The following MICA variants were observed in gnomAD, a reference collection of about 807,000 sequenced individuals.
MICA encodes HLA class I antigen.
In MICA, 18 loss-of-function variants were observed where a neutral mutation model predicts 34.3. The ratio of observed to expected loss-of-function variants is 0.52; its 90% CI spans 0.36 to 0.78. The LOEUF is 0.78. Among genes scored for constraint, MICA ranks in the 30% least tolerant of loss-of-function variants. The pLI is 0.00. For synonymous variants in MICA, 135 were observed against 156.9 expected, an observed-to-expected ratio of 0.86 and a Z score of 1.04; for missense variants, 333 against 409.4, an observed-to-expected ratio of 0.81 and a Z score of 1.61.
chr6:31,415,190 C>A lies in MICA; in HGVS notation c.*208C>A, dbSNP rs1771454088. 1.3e-6 allele frequency: 1 copy of A among 765,464 alleles called. No homozygotes were observed. The allele number at this position is 765,464 out of a possible 1,614,324, so 47.4% of individuals were successfully genotyped here. The stretch of plus-strand genomic sequence containing the variant: ...GAATTCCCTGCCTGGATCTCACAAG[C>A]ACTTTCCCTCTTGGTGCCTCAGTTT... On this transcript the variant is annotated 3_prime_UTR_variant, in exon 6 of 6. Coordinates refer to ENST00000449934, the MANE Select transcript of MICA (RefSeq NM_001177519.3).
chr6:31,404,562 C>T (rs1770641897), intron 1 of MICA, among the ~76,000 whole-genome samples: 1 of 151,852 alleles, frequency 6.6e-6, no homozygotes, highest in Non-Finnish European at 1.5e-5. Context: ...TCCTGCACCC[C>T]TTATGGGCCT....
At chr6:31,412,522 C>T (rs1771256799) in intron 5 of MICA, 62 bp downstream of exon 5, 4 of 1,036,774 alleles carry the variant, frequency 3.9e-6, no homozygotes, top group Admixed American at 5.0e-5. Context: ...AGGGTCCCCT[C>T]ATTGCTCCTG....
intron 1 of MICA, among the ~76,000 whole-genome samples, chr6:31,404,508 G>A (rs1466407203): frequency 1.3e-5 from 2 of 151,466 alleles, no homozygotes; most frequent in East Asian, 1.9e-4. Flanking sequence ...CCATTTCTAG[G>A]GTGTCCTCTG....
At chr6:31,401,602 A>G (rs770394111), upstream of MICA, among the ~76,000 whole-genome samples, 2 of 151,144 alleles carry the variant, frequency 1.3e-5, no homozygotes, top group Non-Finnish European at 2.9e-5. Flanking sequence ...TCAAGGCTGC[A>G]GTGAGCTATA....
In MICA at chr6:31,414,288, C is replaced by T. The variant is rs186572951; in HGVS notation, c.*30-724C>T. Among the ~76,000 whole-genome samples, 32 of 152,114 alleles carry T rather than the reference C, an allele frequency of 2.1e-4. 1 individual carries two copies. The East Asian group carries it at 5.2e-3, about 25-fold the overall frequency. ...TGCTAGGGACAGAGCAGGAAGGCCT[C>T]GCAGCCTCACCAAGCAGCAGCCCTG... On this transcript the variant is annotated intron_variant, in intron 5 of 5. Transcript: ENST00000449934.
chr6:31,412,077 C>G lies in MICA; in HGVS notation c.744C>G (p.His248Gln). The change falls in exon 4 of 6, where the codon CAC (histidine) becomes CAG (glutamine). Residue 248 changes from histidine to glutamine, a missense_variant. By Grantham distance (24) the His-to-Gln change is conservative. Coordinates refer to ENST00000449934, the MANE Select transcript of MICA (RefSeq NM_001177519.3). ...GTCAGGATGGGGTATCTTTGAGCCA[C>G]GACACCCAGCAGTGGGGGGATGTCC... ...TWRQDGVSLSHDTQQWGDVLP... is the reference protein window; with the variant it reads ...TWRQDGVSLSQDTQQWGDVLP... The G allele has an allele frequency of 6.2e-7, 1 of 1,613,158 alleles. No homozygotes were observed. The highest frequency in any genetic ancestry group is 8.5e-7 in the Non-Finnish European group (1 of 1,179,916).
At position 31,405,127 on chromosome 6, in the gene MICA, G is replaced by A. The variant is rs189405064; in HGVS notation, c.70+1425G>A. Among the ~76,000 whole-genome samples, 406 of 128,476 alleles carry A rather than the reference G, an allele frequency of 3.2e-3. 8 individuals carry two copies. In the East Asian group the frequency reaches 0.059, roughly 19 times the overall value. 84.3% of individuals were successfully genotyped at this position (128,476 alleles called of 152,430 possible). A position where few individuals can be genotyped will look rare whatever the true frequency, so the allele number is the denominator to read the frequency against. On this transcript the variant is annotated intron_variant, in intron 1 of 5. Transcript: ENST00000449934. ...GTCACTCCTGCCCCATGCTCATGCC[G>A]CCCTCCAGTTCTTGCTCTGCCCATC... is the stretch of plus-strand genomic sequence containing the variant.
At chr6:31,412,501 G>A (rs141211674) in intron 5 of MICA, 41 bp downstream of exon 5, 1 of 1,292,436 alleles carries the variant, frequency 7.7e-7, no homozygotes. Context: ...TAAGGCCCCT[G>A]TCTGGGCAGT....
Position 31,415,072 on chromosome 6 carries a change from C to A in MICA, c.*90C>A. 1 of 1,357,652 alleles carries A rather than the reference C, an allele frequency of 7.4e-7. No individual in the cohort carries two copies. Among genetic ancestry groups the A allele is most frequent in the Non-Finnish European group, 1.0e-6 (1 of 958,452 alleles). 84.1% of individuals were successfully genotyped at this position (1,357,652 alleles called of 1,614,324 possible). A position where few individuals can be genotyped will look rare whatever the true frequency, so the allele number is the denominator to read the frequency against. On this transcript the variant is annotated 3_prime_UTR_variant, in exon 6 of 6. Transcript: ENST00000449934. ...GTTGGGACGAGTGACCACAGGGATGCCACACAGCTCGGATTTCAGCCTCTG... is the reference window on the plus strand; with the variant it reads ...GTTGGGACGAGTGACCACAGGGATGACACACAGCTCGGATTTCAGCCTCTG...
chr6:31,411,434 G>A lies in MICA; in HGVS notation c.613+75G>A. The A allele has an allele frequency of 1.4e-6, 2 of 1,405,624 alleles. No homozygotes were observed. Among genetic ancestry groups the A allele is most frequent in the East Asian group, 2.5e-5 (1 of 39,904 alleles). 87.1% of individuals were successfully genotyped at this position (1,405,624 alleles called of 1,614,324 possible). A position where few individuals can be genotyped will look rare whatever the true frequency, so the allele number is the denominator to read the frequency against. On this transcript the variant is annotated intron_variant, in intron 3 of 5. Coordinates refer to ENST00000449934, the MANE Select transcript of MICA (RefSeq NM_001177519.3). This position sits in a 1 kb window ranked among gnomAD's most constrained non-coding sequence, Gnocchi z 4.3. ...TGCCTCACCTCCCAGATGTGTCCAG[G>A]GAAACCCTCCCTGTGCTATGGATGA... is the stretch of plus-strand genomic sequence containing the variant.
intron 1 of MICA, among the ~76,000 whole-genome samples, chr6:31,407,673 G>A (rs1246267651): frequency 6.6e-6 from 1 of 151,880 alleles, no homozygotes. Context: ...TTTGCTGTTA[G>A]CACTGATTTT....
In MICA at chr6:31,411,596, C is replaced by G. The variant is rs1404628101; in HGVS notation, c.613+237C>G. Among the ~76,000 whole-genome samples, 2 of 151,866 alleles carry G rather than the reference C, an allele frequency of 1.3e-5. No individual in the cohort carries two copies. The highest frequency in any genetic ancestry group is 2.9e-5 in the Non-Finnish European group (2 of 68,026). The stretch of plus-strand genomic sequence containing the variant: ...GAGGACCCTCCGACAGAATCCTGAG[C>G]CTGTGGTGGGTGTCAGGCAGGAGAG... On this transcript the variant is annotated intron_variant, in intron 3 of 5. Transcript: ENST00000449934. The surrounding 1 kb of genome is among the most constrained non-coding windows in gnomAD (Gnocchi z 4.3).
At position 31,411,540 on chromosome 6, in the gene MICA, G is replaced by A. The variant is rs1771156461; in HGVS notation, c.613+181G>A. 6.6e-6 allele frequency among the ~76,000 whole-genome samples: 1 copy of A among 151,824 alleles called. No individual in the cohort carries two copies. The highest frequency in any genetic ancestry group is 1.5e-5 in the Non-Finnish European group (1 of 68,006). ...GGATAAAGACAGAGGGTCAGGGACT[G>A]GACCATCCAGTGTTGTAATCAGGGC... is the stretch of plus-strand genomic sequence containing the variant. On this transcript the variant is annotated intron_variant, in intron 3 of 5. Coordinates refer to ENST00000449934, the MANE Select transcript of MICA (RefSeq NM_001177519.3). This position sits in a 1 kb window ranked among gnomAD's most constrained non-coding sequence, Gnocchi z 4.3.
Position 31,412,379 on chromosome 6 carries a change from C to CTGT in MICA, c.949_950insTTG (p.Ala316_Ala317insVal). 6 of 1,509,978 alleles carry CTGT rather than the reference C, an allele frequency of 4.0e-6. No individual in the cohort carries two copies. Among genetic ancestry groups the CTGT allele is most frequent in the South Asian group, 1.2e-5 (1 of 83,842 alleles). 93.5% of individuals were successfully genotyped at this position (1,509,978 alleles called of 1,614,324 possible). ...CAGACATTCCATGTTTCTGCTGTTG[C>CTGT]TGCTGGCTGCTGCTATTTTTGTTAT... On this transcript the variant is annotated inframe_insertion, in exon 5 of 6. Transcript: ENST00000449934.
In MICA at chr6:31,415,204, G is replaced by A. The variant is rs1771455099; in HGVS notation, c.*222G>A. On this transcript the variant is annotated 3_prime_UTR_variant, in exon 6 of 6. Transcript: ENST00000449934. ...GATCTCACAAGCACTTTCCCTCTTG[G>A]TGCCTCAGTTTCCTGACCTATGAAA... 2.8e-6 allele frequency: 2 copies of A among 726,190 alleles called. No homozygotes were observed. Among genetic ancestry groups the A allele is most frequent in the Non-Finnish European group, 4.9e-6 (2 of 406,216 alleles). 45.0% of individuals were successfully genotyped at this position (726,190 alleles called of 1,614,324 possible).
chr6:31,411,384 C>A lies in MICA; in HGVS notation c.613+25C>A. ...GGTACCGACGCTGGCCAGGGGCTCT[C>A]CTCTCCCTCCAATTCTGCTAGAGTT... On this transcript the variant is annotated intron_variant, in intron 3 of 5. Transcript: ENST00000449934. This position sits in a 1 kb window ranked among gnomAD's most constrained non-coding sequence, Gnocchi z 4.3. The A allele has an allele frequency of 6.5e-7, 1 of 1,535,116 alleles. No individual in the cohort carries two copies.
In MICA at chr6:31,403,624, G is replaced by C. The variant is rs905045280; in HGVS notation, c.-9G>C. The C allele has an allele frequency of 4.6e-6, 7 of 1,505,624 alleles. No homozygotes were observed. In the South Asian group the frequency reaches 7.5e-5, roughly 16 times the overall value. 93.3% of individuals were successfully genotyped at this position (1,505,624 alleles called of 1,614,324 possible). ...CTTGAGCCGCTGAGAGGGTGGCGAC[G>C]TCGGGGCCATGGGGCTGGGCCCGGT... On this transcript the variant is annotated 5_prime_UTR_variant, in exon 1 of 6. Transcript: ENST00000449934. The surrounding 1 kb of genome is among the most constrained non-coding windows in gnomAD (Gnocchi z 4.7).
At chr6:31,412,600 A>G (rs1771261357) in intron 5 of MICA, 140 bp downstream of exon 5, 9 of 598,104 alleles carry the variant, frequency 1.5e-5, no homozygotes, top group Admixed American at 9.3e-5. Context: ...TTGGGAAGGG[A>G]ATGGGGGCAG....
intron 1 of MICA, among the ~76,000 whole-genome samples, chr6:31,407,851 T>C: frequency 6.6e-6 from 1 of 151,924 alleles, no homozygotes. Flanking sequence ...CTTTCTCCTG[T>C]CTGATTGCTC....
Sources: allele counts gnomAD v4.1 joint callset (sites outside exome capture counted in the v4.1 genomes callset), GRCh38; gene constraint gnomAD v4.1.1; non-coding constraint Gnocchi (gnomAD v3.1); transcripts MANE v1.5; gene names NCBI Gene and HGNC (gene_info 2026-07-23, HGNC 2026-07-21).